CTNS: variants seen among roughly 807,000 people sequenced by gnomAD.
The protein encoded by CTNS is cystinosin.
In CTNS, 27 loss-of-function variants were observed where a neutral mutation model predicts 43.7. The ratio of observed to expected loss-of-function variants is 0.62; its 90% CI spans 0.46 to 0.85. The LOEUF is 0.85. CTNS is among the 40% of genes least tolerant of loss of function. The probability of loss-of-function intolerance (pLI) is 0.00; values close to 1 mark genes in which losing one functional copy is unlikely to be tolerated. For missense variants in CTNS, 457 were observed against 475.4 expected, an observed-to-expected ratio of 0.96 and a Z score of 0.36; for synonymous variants, 187 against 190.6, an observed-to-expected ratio of 0.98 and a Z score of 0.16.
chr17:3,644,862 A>G (rs1166193103), intron 3 of CTNS, among the ~76,000 whole-genome samples: 1 of 152,166 alleles, frequency 6.6e-6, no homozygotes, highest in Non-Finnish European at 1.5e-5. Flanking sequence ...CGGCCTCCCA[A>G]AGTGTTAGGA....
At chr17:3,650,908 T>C (rs2075965812) in intron 5 of CTNS, among the ~76,000 whole-genome samples, 1 of 152,080 alleles carries the variant, frequency 6.6e-6, no homozygotes, top group African/African-American at 2.4e-5. Flanking sequence ...GTTCAAGCGA[T>C]TCTCCTGCCT....
Position 3,655,206 on chromosome 17 carries a change from C to A in CTNS, c.330-15C>A. ...CCCAGCCTCAGCTCATCCCGGTCCC[C>A]AAACTCCTTTCCAGCCCGAGGATAC... On this transcript the variant is annotated splice_polypyrimidine_tract_variant and intron_variant, in intron 6 of 11. Coordinates refer to ENST00000046640, the MANE Select transcript of CTNS (RefSeq NM_004937.3). 1 of 1,614,194 alleles carries A rather than the reference C, an allele frequency of 6.2e-7. No individual in the cohort carries two copies. Among genetic ancestry groups the A allele is most frequent in the Non-Finnish European group, 8.5e-7 (1 of 1,180,020 alleles).
In CTNS at chr17:3,655,068, T is replaced by C; in HGVS notation, c.296T>C (p.Val99Ala). The C allele has an allele frequency of 2.5e-6, 4 of 1,614,106 alleles. No individual in the cohort carries two copies. The East Asian group carries it at 8.9e-5, about 36-fold the overall frequency. Residue 99 changes from valine (V) to alanine (A), a missense_variant, in exon 6 of 12, where the codon GTT becomes GCT. Transcript: ENST00000046640. ...VTSQNVGQLTVYLHGNHSNQT... is the reference protein window; with the variant it reads ...VTSQNVGQLTAYLHGNHSNQT... Reference sequence around the variant, plus strand: ...TCTCAAAATGTTGGACAACTTACTGTTTATCTACATGGAAATCACTCCAAT... The same window carrying C: ...TCTCAAAATGTTGGACAACTTACTGCTTATCTACATGGAAATCACTCCAAT...
intron 4 of CTNS, among the ~76,000 whole-genome samples, chr17:3,648,193 A>C (rs1454821498): frequency 2.6e-5 from 4 of 152,090 alleles, no homozygotes; most frequent in African/African-American, 9.7e-5. Context: ...TCTGGCCTGA[A>C]AGCAAAGCTT....
At chr17:3,643,053 G>A (rs656018) in intron 3 of CTNS, among the ~76,000 whole-genome samples, 73,754 of 151,920 alleles carry the variant, frequency 0.49, 18,813 homozygotes, top group Non-Finnish European at 0.57. Flanking sequence ...GTTGGCTCAC[G>A]CCTGTAATCC....
At position 3,661,220 on chromosome 17, in the gene CTNS, G is replaced by A. The variant is rs75192283; in HGVS notation, c.*851G>A. ...AGGTCTGTTAGGCCTGCCAAACGGC[G>A]ACCAGCTCCCCTGGAGCGAGGGCAG... On this transcript the variant is annotated 3_prime_UTR_variant, in exon 12 of 12. Transcript: ENST00000046640. The A allele has an allele frequency of 0.012, 2,483 of 205,038 alleles. 61 individuals are homozygous for A. The highest frequency in any genetic ancestry group is 0.051 in the African/African-American group (2,210 of 43,262). The allele number at this position is 205,038 out of a possible 1,614,324, so 12.7% of individuals were successfully genotyped here.
chr17:3,656,505 CGACTTCGTGGCTCTGAACCTGACG>C lies in CTNS; in HGVS notation c.482_505del (p.Asp161_Thr168del). 1 of 1,600,200 alleles carries C rather than the reference CGACTTCGTGGCTCTGAACCTGACG, an allele frequency of 6.2e-7. No individual in the cohort carries two copies. Among genetic ancestry groups the C allele is most frequent in the South Asian group, 1.1e-5 (1 of 90,042 alleles). On this transcript the variant is annotated inframe_deletion, in exon 8 of 12. Transcript: ENST00000046640. ...CCTGCAGTGTCATTGGTCTGAGCTT[CGACTTCGTGGCTCTGAACCTGACG>C]GGCTTCGTGGCCTACAGTGTATTCA...
chr17:3,660,638 C>G lies in CTNS; in HGVS notation c.*269C>G. On this transcript the variant is annotated 3_prime_UTR_variant, in exon 12 of 12. Coordinates refer to ENST00000046640, the MANE Select transcript of CTNS (RefSeq NM_004937.3). ...TAAGGCTTCAGGCAGCGCGCACAGGCTCTGGCAGCCGTCTCAGGCAGGACT... is the reference window on the plus strand; with the variant it reads ...TAAGGCTTCAGGCAGCGCGCACAGGGTCTGGCAGCCGTCTCAGGCAGGACT... 6.2e-7 allele frequency: 1 copy of G among 1,613,560 alleles called. No homozygotes were observed. The highest frequency in any genetic ancestry group is 1.6e-4 in the Middle Eastern group (1 of 6,062).
At chr17:3,659,262 A>T (rs542427635) in intron 10 of CTNS, among the ~76,000 whole-genome samples, 3 of 152,288 alleles carry the variant, frequency 2.0e-5, no homozygotes, top group East Asian at 3.9e-4. Flanking sequence ...CGTGGGGCAC[A>T]GGCAGTCAGA....
At chr17:3,659,664 G>A (rs775002393) in intron 10 of CTNS, among the ~76,000 whole-genome samples, 194 bp from the exon 11 acceptor site, 1 of 152,210 alleles carries the variant, frequency 6.6e-6, no homozygotes, top group African/African-American at 2.4e-5. Context: ...CAGATGAGAC[G>A]CCTACCCCCA....
chr17:3,653,841 A>C (rs559773577), intron 5 of CTNS, among the ~76,000 whole-genome samples: 1 of 150,900 alleles, frequency 6.6e-6, no homozygotes, highest in East Asian at 2.0e-4. Flanking sequence ...GCGCCATTGC[A>C]CTCCAGCCTG....
At chr17:3,637,716 C>T (rs2075570338) in intron 2 of CTNS, among the ~76,000 whole-genome samples, 2 of 152,178 alleles carry the variant, frequency 1.3e-5, no homozygotes, top group African/African-American at 2.4e-5. Context: ...ATGCGCTCAC[C>T]TCGGCCTCCC....
At chr17:3,647,592 G>T in intron 4 of CTNS, 70 bp downstream of exon 4, 2 of 1,341,242 alleles carry the variant, frequency 1.5e-6, no homozygotes, top group Non-Finnish European at 2.1e-6. Context: ...GCTGACCCCT[G>T]GCTCAGTCTG....
chr17:3,661,142 C>T lies in CTNS; in HGVS notation c.*773C>T, dbSNP rs1200564429. 6.1e-6 allele frequency: 2 copies of T among 326,582 alleles called. No individual in the cohort carries two copies. Among genetic ancestry groups the T allele is most frequent in the African/African-American group, 4.3e-5 (2 of 46,460 alleles). The allele number at this position is 326,582 out of a possible 1,614,324, so 20.2% of individuals were successfully genotyped here. A position where few individuals can be genotyped will look rare whatever the true frequency, so the allele number is the denominator to read the frequency against. On this transcript the variant is annotated 3_prime_UTR_variant, in exon 12 of 12. Transcript: ENST00000046640. ...TGAGCACATCCAGCTGCTCCTTACC[C>T]AGCATCTGGAGTACAGGACATAGCT...
intron 3 of CTNS, among the ~76,000 whole-genome samples, chr17:3,644,477 T>C (rs540686089): frequency 6.6e-6 from 1 of 152,318 alleles, no homozygotes; most frequent in African/African-American, 2.4e-5. Context: ...TTTATTCTAT[T>C]TTGTTGAGAC....
intron 5 of CTNS, among the ~76,000 whole-genome samples, chr17:3,651,984 A>AAAAAAAAG (rs1555561837): frequency 3.2e-5 from 4 of 126,050 alleles, no homozygotes; most frequent in African/African-American, 5.7e-5. Context: ...AAAAAAAAAG[A>AAAAAAAAG]AAAGAAAAGA....
At chr17:3,645,229 A>G (rs2075816985) in intron 3 of CTNS, among the ~76,000 whole-genome samples, 1 of 152,048 alleles carries the variant, frequency 6.6e-6, no homozygotes, top group South Asian at 2.1e-4. Flanking sequence ...GAGGCTCCAC[A>G]TAAGGAAGGG....
intron 3 of CTNS, among the ~76,000 whole-genome samples, chr17:3,644,145 G>A (rs2075790349): frequency 6.6e-6 from 1 of 152,194 alleles, no homozygotes; most frequent in Non-Finnish European, 1.5e-5. Context: ...GATAATAATA[G>A]TAACAATTAT....
At position 3,661,359 on chromosome 17, in the gene CTNS, C is replaced by T. The variant is rs2076273618; in HGVS notation, c.*990C>T. On this transcript the variant is annotated 3_prime_UTR_variant, in exon 12 of 12. Coordinates refer to ENST00000046640, the MANE Select transcript of CTNS (RefSeq NM_004937.3). ...GACCACCTCACACAATCTGTATGGGCCCAACCCTGATCTCAAACCTCCTTC... is the reference window on the plus strand; with the variant it reads ...GACCACCTCACACAATCTGTATGGGTCCAACCCTGATCTCAAACCTCCTTC... The T allele has an allele frequency of 6.3e-6, 1 of 157,960 alleles. No homozygotes were observed. Among genetic ancestry groups the T allele is most frequent in the Non-Finnish European group, 1.4e-5 (1 of 71,302 alleles). The allele number at this position is 157,960 out of a possible 1,614,324, so 9.8% of individuals were successfully genotyped here. A position where few individuals can be genotyped will look rare whatever the true frequency, so the allele number is the denominator to read the frequency against.
Sources: allele counts gnomAD v4.1 joint callset (sites outside exome capture counted in the v4.1 genomes callset), GRCh38; gene constraint gnomAD v4.1.1; transcripts MANE v1.5; gene names NCBI Gene and HGNC (gene_info 2026-07-23, HGNC 2026-07-21).